PTPRK: variants seen among roughly 807,000 people sequenced by gnomAD.
The protein encoded by PTPRK is receptor-type tyrosine-protein phosphatase kappa.
In PTPRK, 75 loss-of-function variants were observed where a neutral mutation model predicts 178.0. The ratio of observed to expected loss-of-function variants is 0.42; its 90% CI spans 0.35 to 0.51. PTPRK has a LOEUF of 0.51. PTPRK is among the 20% of genes least tolerant of loss of function. PTPRK has a pLI of 0.02. For missense variants in PTPRK, 1,441 were observed against 1,797.8 expected, an observed-to-expected ratio of 0.80 and a Z score of 3.59; for synonymous variants, 637 against 620.6, an observed-to-expected ratio of 1.03 and a Z score of -0.39.
At chr6:128,465,022 T>C (rs1459338206) in intron 1 of PTPRK, among the ~76,000 whole-genome samples, 2 of 151,534 alleles carry the variant, frequency 1.3e-5, no homozygotes, top group African/African-American at 4.8e-5. Context: ...TTCTGATGTA[T>C]TAAAAGTCCT....
chr6:127,973,137 C>T lies in PTPRK; in HGVS notation c.4154G>A (p.Gly1385Asp). Residue 1385 changes from glycine (G) to aspartate (D), a missense_variant, in exon 29 of 30, where the codon GGC becomes GAC. Coordinates refer to ENST00000368226, the MANE Select transcript of PTPRK (RefSeq NM_002844.4). ...AACGATGCCTATAGCACAGAACATG[C>T]CACTTCGCCCGCCACCATTTCTGAA... is the stretch of plus-strand genomic sequence containing the variant. ...IHCLNGGGRS[G>D]MFCAIGIVVE... 1 of 1,612,254 alleles carries T rather than the reference C, an allele frequency of 6.2e-7. No homozygotes were observed. The highest frequency in any genetic ancestry group is 8.5e-7 in the Non-Finnish European group (1 of 1,179,328).
Position 128,296,843 on chromosome 6 carries a change from C to T in PTPRK, c.495+25196G>A, listed in dbSNP as rs1380127424. Among the ~76,000 whole-genome samples the T allele has an allele frequency of 3.3e-5, 5 of 152,230 alleles. No individual in the cohort carries two copies. The South Asian group carries it at 1.0e-3, about 32-fold the overall frequency. ...AACGAGCAAAATAACCAGCTAATAT[C>T]ATAATGACAGGATCAAATTCACACA... is the stretch of plus-strand genomic sequence containing the variant. On this transcript the variant is annotated intron_variant, in intron 3 of 29. Transcript: ENST00000368226.
At chr6:128,320,920 T>C (rs1175936215) in intron 3 of PTPRK, 1 of 152,102 alleles carries the variant, frequency 6.6e-6, no homozygotes, top group Non-Finnish European at 1.5e-5. Context: ...TCAACTTGTA[T>C]CTAATGAAAA....
At chr6:128,033,861 T>C (rs1010278331) in intron 13 of PTPRK, among the ~76,000 whole-genome samples, 1 of 150,182 alleles carries the variant, frequency 6.7e-6, no homozygotes, top group African/African-American at 2.5e-5. Context: ...AGACCTTGTC[T>C]CAAAAAAAAA....
At chr6:128,507,705 G>C (rs945177163) in intron 1 of PTPRK, among the ~76,000 whole-genome samples, 1 of 152,128 alleles carries the variant, frequency 6.6e-6, no homozygotes, top group Non-Finnish European at 1.5e-5. Context: ...GAGCAAACAG[G>C]ATTCTGCAGC....
intron 1 of PTPRK, among the ~76,000 whole-genome samples, chr6:128,402,259 G>T (rs1389619665): frequency 6.7e-6 from 1 of 150,316 alleles, no homozygotes; most frequent in Non-Finnish European, 1.5e-5. Flanking sequence ...GTTTGTTTTT[G>T]TTTTTGTTTT....
chr6:128,170,966 A>G (rs1248323053), intron 7 of PTPRK, among the ~76,000 whole-genome samples: 1 of 151,956 alleles, frequency 6.6e-6, no homozygotes, highest in Non-Finnish European at 1.5e-5. Flanking sequence ...ACGTGCAAAT[A>G]CACAGTTTAG....
At chr6:128,258,297 C>T (rs1583747168) in intron 3 of PTPRK, among the ~76,000 whole-genome samples, 1 of 152,222 alleles carries the variant, frequency 6.6e-6, no homozygotes, top group Non-Finnish European at 1.5e-5. Context: ...GCAAGTGTTA[C>T]AACATCCATT....
intron 18 of PTPRK, among the ~76,000 whole-genome samples, chr6:127,994,695 T>C (rs1186612846): frequency 6.6e-6 from 1 of 151,912 alleles, no homozygotes; most frequent in Non-Finnish European, 1.5e-5. Flanking sequence ...ATGTATGTAA[T>C]CAAAATTTAA....
At chr6:128,206,306 CAT>C (rs913533067) in intron 6 of PTPRK, among the ~76,000 whole-genome samples, 7 of 147,770 alleles carry the variant, frequency 4.7e-5, no homozygotes, top group African/African-American at 1.8e-4. Flanking sequence ...ATATCAGAAA[CAT>C]ATTATAAGAA....
chr6:128,149,560 C>T (rs969827760), intron 7 of PTPRK, among the ~76,000 whole-genome samples: 2 of 151,874 alleles, frequency 1.3e-5, no homozygotes, highest in Non-Finnish European at 2.9e-5. Flanking sequence ...CTGTGTGACA[C>T]CTAATCTTGC....
intron 15 of PTPRK, chr6:128,000,242 C>T (rs1319184575): frequency 1.7e-6 from 2 of 1,182,678 alleles, no homozygotes; most frequent in Admixed American, 3.4e-5. Flanking sequence ...ATTTCAAGTG[C>T]TAGTACATTT....
At chr6:128,043,218 G>GT (rs1777485143) in intron 13 of PTPRK, among the ~76,000 whole-genome samples, 1 of 151,938 alleles carries the variant, frequency 6.6e-6, no homozygotes, top group Non-Finnish European at 1.5e-5. Context: ...TATTATTCTT[G>GT]TTGATATGAA....
intron 14 of PTPRK, 101 bp downstream of exon 14, chr6:128,009,029 C>A: frequency 9.2e-7 from 1 of 1,087,052 alleles, no homozygotes; most frequent in East Asian, 2.6e-5. Context: ...AAATTTTCTT[C>A]CTGTTGTTTG....
rs61179537 is a variant in PTPRK at position 128,443,085 on chromosome 6, C to CA, written c.101-45398dup. On this transcript the variant is annotated intron_variant, in intron 1 of 29. Transcript: ENST00000368226. ...TAACATGATAACATAGTACACTTCA[C>CA]AAAAAAAAAACCAAAAACAATAAGA... is the stretch of plus-strand genomic sequence containing the variant. Among the ~76,000 whole-genome samples the CA allele has an allele frequency of 0.041, 5,897 of 144,070 alleles. 990 individuals are homozygous for CA. The East Asian group carries it at 0.58, about 14-fold the overall frequency. 94.5% of individuals were successfully genotyped at this position (144,070 alleles called of 152,430 possible). A position where few individuals can be genotyped will look rare whatever the true frequency, so the allele number is the denominator to read the frequency against.
intron 2 of PTPRK, among the ~76,000 whole-genome samples, chr6:128,342,221 C>G (rs866808518): frequency 3.3e-5 from 5 of 152,004 alleles, no homozygotes; most frequent in African/African-American, 1.2e-4. Flanking sequence ...CCACTGCACT[C>G]AAGCCTGGGT....
chr6:128,255,745 A>G (rs1817182613), intron 3 of PTPRK, among the ~76,000 whole-genome samples: 1 of 151,994 alleles, frequency 6.6e-6, no homozygotes, highest in Non-Finnish European at 1.5e-5. Flanking sequence ...CTTCTTGGAA[A>G]CTCTGTGGGT....
At chr6:128,462,576 T>C (rs1436831292) in intron 1 of PTPRK, among the ~76,000 whole-genome samples, 1 of 151,820 alleles carries the variant, frequency 6.6e-6, no homozygotes. Flanking sequence ...GAACATGAAG[T>C]GAAAACAGAG....
In PTPRK at chr6:127,970,197, C is replaced by T. The variant is rs751740027; in HGVS notation, c.*30G>A. On this transcript the variant is annotated 3_prime_UTR_variant, in exon 30 of 30. Transcript: ENST00000368226. ...GGCTCAATAGATGGACAGGTTTCTTCATGGATGCACTTTAAAGAGTCTCAC... is the reference window on the plus strand; with the variant it reads ...GGCTCAATAGATGGACAGGTTTCTTTATGGATGCACTTTAAAGAGTCTCAC... 3.2e-5 allele frequency: 50 copies of T among 1,568,650 alleles called. No homozygotes were observed. Among genetic ancestry groups the T allele is most frequent in the Non-Finnish European group, 4.3e-5 (49 of 1,144,744 alleles).
Sources: gnomAD v4.1 joint callset for allele counts (sites outside exome capture counted in the v4.1 genomes callset) on GRCh38, gnomAD v4.1.1 for gene constraint, MANE v1.5 for transcripts, NCBI Gene and HGNC (gene_info 2026-07-23, HGNC 2026-07-21) for gene names.